KIAA1549L: variants seen among roughly 807,000 people sequenced by gnomAD.
KIAA1549L encodes the protein KIAA1549 like.
Under a neutral mutation model 160.7 loss-of-function variants are expected in KIAA1549L, and 88 were observed. The ratio of observed to expected loss-of-function variants is 0.55; its 90% CI spans 0.46 to 0.65. KIAA1549L has a LOEUF of 0.65. Ranked by LOEUF, KIAA1549L falls within the 30% of genes least tolerant of loss-of-function variation. The pLI is 0.00. For synonymous variants in KIAA1549L, 950 were observed against 976.7 expected, an observed-to-expected ratio of 0.97 and a Z score of 0.51; for missense variants, 2,258 against 2,437.5, an observed-to-expected ratio of 0.93 and a Z score of 1.55.
intron 1 of KIAA1549L, among the ~76,000 whole-genome samples, chr11:33,475,689 C>G (rs1448551993): frequency 2.2e-5 from 3 of 134,446 alleles, no homozygotes; most frequent in Non-Finnish European, 4.7e-5. Context: ...CCTCATCTCG[C>G]TCTCTCAAAA....
At chr11:33,500,602 G>C (rs1469352400) in intron 1 of KIAA1549L, among the ~76,000 whole-genome samples, 1 of 152,052 alleles carries the variant, frequency 6.6e-6, no homozygotes, top group Admixed American at 6.6e-5. Flanking sequence ...TAGTACAGTA[G>C]GGAAATTATA....
chr11:33,468,536 G>A (rs1852109005), intron 1 of KIAA1549L, among the ~76,000 whole-genome samples: 1 of 152,150 alleles, frequency 6.6e-6, no homozygotes, highest in African/African-American at 2.4e-5. Flanking sequence ...TATCACTGTC[G>A]AATCATCTGG....
chr11:33,581,116 C>T (rs1310578524), intron 10 of KIAA1549L, among the ~76,000 whole-genome samples: 1 of 152,124 alleles, frequency 6.6e-6, no homozygotes, highest in African/African-American at 2.4e-5. Flanking sequence ...TCACTAGGGC[C>T]TCACGGGCTG....
rs750670251 is a variant in KIAA1549L at position 33,407,081 on chromosome 11, AT to A, written c.238+30213del. On this transcript the variant is annotated intron_variant, in intron 1 of 20. Transcript: ENST00000658780. ...GGAGTTCAGTCCTTTTTCTTTTTTC[AT>A]TTTTTTTTTTTTTTTTTTTTGAGAC... Among the ~76,000 whole-genome samples, 135 of 100,130 alleles carry A rather than the reference AT, an allele frequency of 1.3e-3. 1 individual carries two copies. In the East Asian group the frequency reaches 0.016, roughly 12 times the overall value. The allele number at this position is 100,130 out of a possible 152,430, so 65.7% of individuals were successfully genotyped here.
At chr11:33,642,581 A>C (rs1289503095) in intron 16 of KIAA1549L, among the ~76,000 whole-genome samples, 1 of 84,670 alleles carries the variant, frequency 1.2e-5, no homozygotes, top group East Asian at 3.6e-4. Context: ...AAAGAGAGTG[A>C]CGGGGTGAGT....
chr11:33,599,123 C>T (rs1043266190), intron 13 of KIAA1549L, 176 bp downstream of exon 13: 1 of 589,448 alleles, frequency 1.7e-6, no homozygotes, highest in East Asian at 3.2e-5. Context: ...GGGTTCTCAC[C>T]TTACCCCTTG....
chr11:33,665,607 A>AC (rs56362734), intron 20 of KIAA1549L: 152,384 of 152,384 alleles, frequency 1, 76,192 homozygotes, highest in Non-Finnish European at 1. Flanking sequence ...CATGGGTGGG[A>AC]CAGAAGAGGT....
rs535816189 is a variant in KIAA1549L at position 33,419,845 on chromosome 11, T to TA, written c.238+42964dup. Among the ~76,000 whole-genome samples the TA allele has an allele frequency of 1.9e-4, 28 of 150,918 alleles. No individual in the cohort carries two copies. The South Asian group carries it at 4.6e-3, about 25-fold the overall frequency. On this transcript the variant is annotated intron_variant, in intron 1 of 20. Transcript: ENST00000658780. ...CTGGGCAACAGAGCAAGACTGTCTT[T>TA]AAAAAAAATGTTATACATACATACA...
chr11:33,447,422 T>A (rs574039915), intron 1 of KIAA1549L, among the ~76,000 whole-genome samples: 1 of 152,126 alleles, frequency 6.6e-6, no homozygotes, highest in South Asian at 2.1e-4. Flanking sequence ...AAGGATTTAC[T>A]CTCTAAAAAA....
chr11:33,652,433 G>T (rs1023971380), intron 17 of KIAA1549L, among the ~76,000 whole-genome samples: 1 of 152,174 alleles, frequency 6.6e-6, no homozygotes, highest in African/African-American at 2.4e-5. Flanking sequence ...CTGATCTCCT[G>T]TGCCATCTTG....
rs1356623172 is a variant in KIAA1549L, at chr11:33,671,179, T to A, written c.*3025T>A. The A allele has an allele frequency of 2.6e-5, 4 of 152,222 alleles. No individual in the cohort carries two copies. The highest frequency in any genetic ancestry group is 2.6e-4 in the Admixed American group (4 of 15,286). 9.4% of individuals were successfully genotyped at this position (152,222 alleles called of 1,614,324 possible). The stretch of plus-strand genomic sequence containing the variant: ...GAAAAAGAAATGCATTTTGGCTTTT[T>A]CCAGAAAGAGTACCATCAAGGAAAC... On this transcript the variant is annotated 3_prime_UTR_variant, in exon 21 of 21. Coordinates refer to ENST00000658780, the MANE Select transcript of KIAA1549L (RefSeq NM_012194.3).
intron 9 of KIAA1549L, among the ~76,000 whole-genome samples, chr11:33,569,313 G>A (rs888308474): frequency 1.3e-5 from 2 of 152,174 alleles, no homozygotes; most frequent in South Asian, 2.1e-4. Flanking sequence ...AACATTTGTT[G>A]TGCTAATTAA....
intron 17 of KIAA1549L, among the ~76,000 whole-genome samples, chr11:33,653,700 G>A (rs914252361): frequency 3.9e-5 from 6 of 152,034 alleles, no homozygotes; most frequent in Admixed American, 6.6e-5. Context: ...TCTCCTTTGG[G>A]ACTTCGGTTA....
At chr11:33,448,347 C>T (rs766596143) in intron 1 of KIAA1549L, among the ~76,000 whole-genome samples, 3 of 152,148 alleles carry the variant, frequency 2.0e-5, no homozygotes, top group Non-Finnish European at 2.9e-5. Context: ...TATGTCCTTC[C>T]GATGAGTGAG....
Position 33,591,720 on chromosome 11 carries a change from G to T in KIAA1549L, c.4751+299G>T, listed in dbSNP as rs185060019. On this transcript the variant is annotated intron_variant, in intron 12 of 20. Coordinates refer to ENST00000658780, the MANE Select transcript of KIAA1549L (RefSeq NM_012194.3). ...CTTATATTTTAAACTTATATTAAAAGCAGTGCCTTTGATTCAATATAGTTG... is the reference window on the plus strand; with the variant it reads ...CTTATATTTTAAACTTATATTAAAATCAGTGCCTTTGATTCAATATAGTTG... Among the ~76,000 whole-genome samples, 25 of 152,336 alleles carry T rather than the reference G, an allele frequency of 1.6e-4. No individual in the cohort carries two copies. The East Asian group carries it at 3.1e-3, about 19-fold the overall frequency.
chr11:33,409,653 T>G (rs1850747061), intron 1 of KIAA1549L, among the ~76,000 whole-genome samples: 1 of 152,206 alleles, frequency 6.6e-6, no homozygotes, highest in Non-Finnish European at 1.5e-5. Context: ...TCATTTATTC[T>G]TTTTCTTTGG....
intron 11 of KIAA1549L, among the ~76,000 whole-genome samples, chr11:33,585,526 A>AAAAAAAT (rs1324537259): frequency 6.6e-6 from 1 of 152,142 alleles, no homozygotes; most frequent in African/African-American, 2.4e-5. Context: ...CTCAAAAAAT[A>AAAAAAAT]AAAAAATAAA....
intron 16 of KIAA1549L, among the ~76,000 whole-genome samples, chr11:33,622,949 C>T (rs1366309155): frequency 6.6e-6 from 1 of 152,178 alleles, no homozygotes; most frequent in Admixed American, 6.5e-5. Flanking sequence ...TACAGGTGAG[C>T]AGTGGTTACT....
At chr11:33,594,318 T>C (rs963796429) in intron 12 of KIAA1549L, among the ~76,000 whole-genome samples, 1 of 152,178 alleles carries the variant, frequency 6.6e-6, no homozygotes, top group Admixed American at 6.5e-5. Flanking sequence ...AACCATTTTT[T>C]TTTAGCTCAT....
Sources: gnomAD v4.1 joint callset for allele counts (sites outside exome capture counted in the v4.1 genomes callset) on GRCh38, gnomAD v4.1.1 for gene constraint, MANE v1.5 for transcripts, NCBI Gene and HGNC (gene_info 2026-07-23, HGNC 2026-07-21) for gene names.